Variants in UBE2D3 observed in about 807,000 individuals in gnomAD.
UBE2D3 encodes the protein ubiquitin conjugating enzyme E2 D3, also known as ubiquitin-conjugating enzyme E2 D3.
In UBE2D3, 2 loss-of-function variants were observed where a neutral mutation model predicts 22.8. That is an observed-to-expected ratio of 0.09 (90% CI 0.04 to 0.28). The LOEUF (loss-of-function observed/expected upper bound fraction) is 0.28, where lower values mean the gene tolerates loss of function less well. Among genes scored for constraint, UBE2D3 ranks in the 10% least tolerant of loss-of-function variants. The pLI, the probability that UBE2D3 is intolerant of heterozygous loss-of-function variation, is 1.00. For synonymous variants in UBE2D3, 56 were observed against 60.4 expected (o/e 0.93, Z 0.34); for missense variants, 27 against 182.5 (o/e 0.15, Z 4.91).
chr4:102,818,135 A>C (rs962862608), intron 2 of UBE2D3, among the ~76,000 whole-genome samples: 2 of 152,198 alleles, frequency 1.3e-5, no homozygotes, highest in African/African-American at 4.8e-5. Context: ...AAACAGGAAA[A>C]TGTTTGGTTG....
intron 2 of UBE2D3, chr4:102,811,573 C>T (rs372455112): frequency 2.6e-4 from 73 of 284,262 alleles, no homozygotes; most frequent in African/African-American, 1.2e-3. Flanking sequence ...CCCAGCTACT[C>T]GGGAGGATGA....
At chr4:102,811,424 G>A (rs949172944) in intron 2 of UBE2D3, 7 of 158,188 alleles carry the variant, frequency 4.4e-5, no homozygotes, top group African/African-American at 7.2e-5. Flanking sequence ...GCTCACGCCC[G>A]TAATCCCAGC....
intron 4 of UBE2D3, among the ~76,000 whole-genome samples, chr4:102,804,128 G>T (rs1472394448): frequency 6.6e-6 from 1 of 151,744 alleles, no homozygotes; most frequent in Non-Finnish European, 1.5e-5. Flanking sequence ...TTTTTTTGTA[G>T]GGGTGGAGGG....
intron 7 of UBE2D3, 136 bp from the exon 8 acceptor site, chr4:102,797,596 C>A: frequency 1.8e-6 from 1 of 555,670 alleles, no homozygotes; most frequent in Non-Finnish European, 2.9e-6. Context: ...AGAATAAAAG[C>A]CAACAAGGGA....
chr4:102,828,107 G>A, upstream of UBE2D3: 2 of 985,436 alleles, frequency 2.0e-6, no homozygotes, highest in Non-Finnish European at 2.4e-6. Flanking sequence ...CTCGAACTGG[G>A]GCGGGCCACT....
chr4:102,840,615 A>G (rs1341061013), intron 1 of UBE2D3, among the ~76,000 whole-genome samples: 1 of 152,184 alleles, frequency 6.6e-6, no homozygotes, highest in Non-Finnish European at 1.5e-5. Context: ...AATGGGTACA[A>G]ACATACAGTG....
intron 4 of UBE2D3, among the ~76,000 whole-genome samples, chr4:102,804,040 AT>A (rs1470718372): frequency 6.6e-6 from 1 of 151,720 alleles, no homozygotes; most frequent in Non-Finnish European, 1.5e-5. Context: ...AAATGTGCTG[AT>A]TATAGGTGTG....
upstream of UBE2D3, among the ~76,000 whole-genome samples, chr4:102,830,783 C>G (rs1162871707): frequency 6.6e-6 from 1 of 152,144 alleles, no homozygotes; most frequent in Non-Finnish European, 1.5e-5. Flanking sequence ...GGAGGATTGC[C>G]TCAGCCTGGG....
Position 102,826,801 on chromosome 4 carries a change from CG to C in UBE2D3, c.-128-166del, listed in dbSNP as rs1730579083. Reference sequence around the variant, plus strand: ...CGGCCCGAAGTGGGGGCGAGGGTGACGGGAAGAGCGGAGGTGGTGGCTACAA... The same window carrying C: ...CGGCCCGAAGTGGGGGCGAGGGTGACGGAAGAGCGGAGGTGGTGGCTACAA... On this transcript the variant is annotated intron_variant, in intron 1 of 7. Transcript: ENST00000453744. 126 of 1,229,756 alleles carry C rather than the reference CG, an allele frequency of 1.0e-4. 2 individuals carry two copies. The South Asian group carries it at 2.6e-3, about 26-fold the overall frequency. 76.2% of individuals were successfully genotyped at this position (1,229,756 alleles called of 1,614,324 possible).
chr4:102,850,499 C>T (rs760791291), intron 1 of UBE2D3, among the ~76,000 whole-genome samples: 1 of 152,118 alleles, frequency 6.6e-6, no homozygotes, highest in Non-Finnish European at 1.5e-5. Context: ...GAAGGAATTT[C>T]TCTTTCTTCC....
chr4:102,866,235 T>C (rs1733140501), intron 1 of UBE2D3, among the ~76,000 whole-genome samples: 1 of 152,252 alleles, frequency 6.6e-6, no homozygotes, highest in Non-Finnish European at 1.5e-5. Flanking sequence ...ACACCTTTTC[T>C]CTGAATTTCA....
upstream of UBE2D3, chr4:102,827,679 C>G: frequency 1.0e-6 from 1 of 986,034 alleles, no homozygotes; most frequent in South Asian, 4.7e-5. Context: ...TTGCTTCCCA[C>G]GTCCGGGGCC....
At chr4:102,841,715 A>C (rs1295599318) in intron 1 of UBE2D3, among the ~76,000 whole-genome samples, 1 of 152,188 alleles carries the variant, frequency 6.6e-6, no homozygotes, top group African/African-American at 2.4e-5. Flanking sequence ...GTGACATATA[A>C]ATAAGGATGC....
intron 5 of UBE2D3, 114 bp from the exon 6 acceptor site, chr4:102,801,673 C>T (rs1466957041): frequency 2.4e-6 from 2 of 847,690 alleles, no homozygotes; most frequent in Non-Finnish European, 1.8e-6. Flanking sequence ...CATAGAAGTT[C>T]TAAATATTAT....
chr4:102,850,321 A>T (rs1437153497), intron 1 of UBE2D3, among the ~76,000 whole-genome samples: 2 of 148,712 alleles, frequency 1.3e-5, no homozygotes, highest in Non-Finnish European at 3.0e-5. Context: ...ACACTCTGTG[A>T]TAAATCACTC....
chr4:102,848,810 C>A (rs1162164513), intron 1 of UBE2D3, among the ~76,000 whole-genome samples: 1 of 151,534 alleles, frequency 6.6e-6, no homozygotes, highest in East Asian at 1.9e-4. Flanking sequence ...TAGAGTGAGA[C>A]CTTGTCTCAA....
intron 1 of UBE2D3, among the ~76,000 whole-genome samples, chr4:102,857,711 T>C (rs923691106): frequency 2.6e-5 from 4 of 152,226 alleles, no homozygotes; most frequent in Admixed American, 2.6e-4. Flanking sequence ...TGTGTGTGTG[T>C]GTGATGGAGT....
chr4:102,808,706 A>G (rs571298155), intron 4 of UBE2D3, among the ~76,000 whole-genome samples: 52 of 152,300 alleles, frequency 3.4e-4, no homozygotes, highest in East Asian at 9.6e-4. Context: ...TAAGTTCCCT[A>G]TAAGATCGAC....
intron 1 of UBE2D3, among the ~76,000 whole-genome samples, chr4:102,857,609 C>T (rs994588412): frequency 6.6e-6 from 1 of 152,106 alleles, no homozygotes; most frequent in Non-Finnish European, 1.5e-5. Context: ...CCAGGAAATG[C>T]GTCTACTGCA....
Sources: gnomAD v4.1 joint callset for allele counts (sites outside exome capture counted in the v4.1 genomes callset) on GRCh38, gnomAD v4.1.1 for gene constraint, MANE v1.5 for transcripts, NCBI Gene and HGNC (gene_info 2026-07-23, HGNC 2026-07-21) for gene names.